The following NHSL1 variants were observed in gnomAD, a reference collection of about 807,000 sequenced individuals.
NHSL1 encodes the protein NHS like 1.
NHSL1 carries 48 observed loss-of-function variants against 95.0 expected under a neutral mutation model. The ratio of observed to expected loss-of-function variants is 0.51; its 90% CI spans 0.40 to 0.64. The LOEUF is 0.64. Ranked by LOEUF, NHSL1 falls within the 30% of genes least tolerant of loss-of-function variation. The pLI, the probability that NHSL1 is intolerant of heterozygous loss-of-function variation, is 0.00. For missense variants in NHSL1, 1,971 were observed against 2,077.7 expected (o/e 0.95, Z 1.00); for synonymous variants, 783 against 833.9 (o/e 0.94, Z 1.05).
intron 1 of NHSL1, among the ~76,000 whole-genome samples, chr6:138,519,497 C>T (rs563919729): frequency 6.6e-6 from 1 of 152,048 alleles, no homozygotes; most frequent in African/African-American, 2.4e-5. Context: ...AAGTAATTTG[C>T]TACCATCACA....
intron 1 of NHSL1, among the ~76,000 whole-genome samples, chr6:138,552,918 C>T (rs1783063006): frequency 6.6e-6 from 1 of 152,178 alleles, no homozygotes; most frequent in Non-Finnish European, 1.5e-5. Flanking sequence ...AAGCATAGTG[C>T]CTATGGCTGA....
chr6:138,576,111 C>A (rs1039344948), upstream of NHSL1, among the ~76,000 whole-genome samples: 1 of 152,114 alleles, frequency 6.6e-6, no homozygotes, highest in Non-Finnish European at 1.5e-5. Flanking sequence ...CTTTCCTCAG[C>A]CTCCCAAGTA....
At chr6:138,515,888 G>A (rs770407579) in intron 1 of NHSL1, among the ~76,000 whole-genome samples, 75 of 152,316 alleles carry the variant, frequency 4.9e-4, no homozygotes, top group Non-Finnish European at 4.0e-4. Flanking sequence ...ACAGTGAATC[G>A]TCTGGAGTTG....
chr6:138,545,570 C>T, intron 1 of NHSL1: 1 of 1,215,762 alleles, frequency 8.2e-7, no homozygotes, highest in Non-Finnish European at 1.1e-6. Flanking sequence ...TGCTAAATGA[C>T]AATCTTCCCC....
chr6:138,642,187 C>A (rs542286570), intron 1 of NHSL1, among the ~76,000 whole-genome samples: 1 of 152,024 alleles, frequency 6.6e-6, no homozygotes, highest in East Asian at 1.9e-4. Context: ...CCTAATTCTA[C>A]AAGAATTTGT....
intron 1 of NHSL1, among the ~76,000 whole-genome samples, chr6:138,677,286 GTATT>G (rs1205813618): frequency 2.6e-5 from 4 of 152,138 alleles, no homozygotes; most frequent in African/African-American, 9.7e-5. Context: ...TATGCAATGA[GTATT>G]TAGAGAGCAT....
At chr6:138,564,440 T>C (rs1422666766) in intron 1 of NHSL1, among the ~76,000 whole-genome samples, 1 of 152,094 alleles carries the variant, frequency 6.6e-6, no homozygotes, top group East Asian at 1.9e-4. Flanking sequence ...CCGAGGCAGG[T>C]GGATCACTTG....
intron 1 of NHSL1, among the ~76,000 whole-genome samples, chr6:138,631,615 G>A (rs1184925548): frequency 6.6e-6 from 1 of 152,122 alleles, no homozygotes; most frequent in African/African-American, 2.4e-5. Context: ...CCCTGGGCCA[G>A]AAGGAAACTT....
In NHSL1 at chr6:138,424,383, C is replaced by A. The variant is rs944203486; in HGVS notation, c.4519G>T (p.Ala1507Ser). Residue 1507 changes from alanine to serine, a missense_variant, in exon 8 of 8, where the codon GCC becomes TCC. Physicochemically the swap from Ala to Ser is moderately conservative, Grantham distance 99. Transcript: ENST00000343505. This position sits in a 1 kb window ranked among gnomAD's most constrained non-coding sequence, Gnocchi z 5.9. Reference protein sequence around the residue: ...YGRSRTPPSAASSRYSMRNRI... With the variant: ...YGRSRTPPSASSSRYSMRNRI... ...TTCCGCATGCTGTACCTGCTGCTGGCGGCAGAAGGCGGCGTTCGGCTGCGG... is the reference window on the plus strand; with the variant it reads ...TTCCGCATGCTGTACCTGCTGCTGGAGGCAGAAGGCGGCGTTCGGCTGCGG... 5.8e-5 allele frequency: 90 copies of A among 1,549,278 alleles called. No homozygotes were observed. Among genetic ancestry groups the A allele is most frequent in the Non-Finnish European group, 7.5e-5 (86 of 1,145,896 alleles).
At chr6:138,499,856 T>C (rs1780579568), upstream of NHSL1, among the ~76,000 whole-genome samples, 1 of 152,154 alleles carries the variant, frequency 6.6e-6, no homozygotes, top group Non-Finnish European at 1.5e-5. Flanking sequence ...AACCAAACTA[T>C]TGTTTCCCAA....
chr6:138,598,852 C>A (rs2114552330), intron 1 of NHSL1, among the ~76,000 whole-genome samples: 1 of 152,256 alleles, frequency 6.6e-6, no homozygotes, highest in Middle Eastern at 3.4e-3. Flanking sequence ...CATCCTCACA[C>A]TCTTAAGTAC....
chr6:138,689,038 T>G (rs1286591254), intron 1 of NHSL1, among the ~76,000 whole-genome samples: 2 of 152,168 alleles, frequency 1.3e-5, no homozygotes, highest in African/African-American at 4.8e-5. Context: ...AGGCTAGTCT[T>G]GAGCTCCTGG....
At chr6:138,626,893 CAAAAAAAAA>C (rs71009593) in intron 1 of NHSL1, among the ~76,000 whole-genome samples, 17 of 7,770 alleles carry the variant, frequency 2.2e-3, no homozygotes, top group Admixed American at 0.016. Flanking sequence ...GACTCCGTCT[CAAAAAAAAA>C]AAAAAAAAAA....
chr6:138,593,736 C>T (rs1336546548), intron 1 of NHSL1, among the ~76,000 whole-genome samples: 2 of 152,114 alleles, frequency 1.3e-5, no homozygotes, highest in Non-Finnish European at 2.9e-5. Context: ...TTCTTCCTTT[C>T]GGGTCAAAGA....
Position 138,670,459 on chromosome 6 carries a change from G to A in NHSL1, c.96+22017C>T, listed in dbSNP as rs1051559517. On this transcript the variant is annotated intron_variant, in intron 1 of 3. Transcript: ENST00000491526. Reference sequence around the variant, plus strand: ...AGGCGGGCGGATCACGAGGTCAGGAGATCGAGACCATCCCGGCTAAAACGG... The same window carrying A: ...AGGCGGGCGGATCACGAGGTCAGGAAATCGAGACCATCCCGGCTAAAACGG... Among the ~76,000 whole-genome samples the A allele has an allele frequency of 5.3e-5, 8 of 151,338 alleles. No homozygotes were observed. The East Asian group carries it at 1.2e-3, about 22-fold the overall frequency.
At chr6:138,610,803 C>T (rs1399765943) in intron 1 of NHSL1, among the ~76,000 whole-genome samples, 2 of 152,016 alleles carry the variant, frequency 1.3e-5, no homozygotes, top group East Asian at 1.9e-4. Flanking sequence ...ATTGGCTGGG[C>T]GCAGTGGCTC....
chr6:138,646,654 G>T (rs1785024797), intron 1 of NHSL1, among the ~76,000 whole-genome samples: 1 of 152,154 alleles, frequency 6.6e-6, no homozygotes, highest in Non-Finnish European at 1.5e-5. Context: ...AACTCCTGAG[G>T]GTAAGGGGTG....
At chr6:138,674,740 T>C (rs1254055918) in intron 1 of NHSL1, among the ~76,000 whole-genome samples, 1 of 152,194 alleles carries the variant, frequency 6.6e-6, no homozygotes, top group African/African-American at 2.4e-5. Context: ...TTGGGTTGAC[T>C]CCATGTCTTT....
At chr6:138,499,495 G>T, upstream of NHSL1, 1 of 1,193,770 alleles carries the variant, frequency 8.4e-7, no homozygotes, top group South Asian at 2.2e-5. Context: ...CCTTGAACCT[G>T]AAAAACTCCT....
Sources: gnomAD v4.1 joint callset for allele counts (sites outside exome capture counted in the v4.1 genomes callset) on GRCh38, gnomAD v4.1.1 for gene constraint, Gnocchi (gnomAD v3.1) non-coding constraint, MANE v1.5 for transcripts, NCBI Gene and HGNC (gene_info 2026-07-23, HGNC 2026-07-21) for gene names.